The following CFAP77 variants were observed in gnomAD, a reference collection of about 807,000 sequenced individuals.
The protein encoded by CFAP77 is cilia and flagella associated protein 77.
CFAP77 carries 25 observed loss-of-function variants against 31.1 expected under a neutral mutation model. The ratio of observed to expected loss-of-function variants is 0.80; its 90% confidence interval spans 0.59 to 1.12. CFAP77 has a LOEUF of 1.12. Ranked by LOEUF, CFAP77 falls within the 50% of genes most tolerant of loss-of-function variation. CFAP77 has a pLI of 0.00. For synonymous variants in CFAP77, 151 were observed against 159.9 expected, an observed-to-expected ratio of 0.94 and a Z score of 0.42; for missense variants, 377 against 397.3, an observed-to-expected ratio of 0.95 and a Z score of 0.44.
intron 1 of CFAP77, among the ~76,000 whole-genome samples, chr9:132,438,558 T>A (rs1850556630): frequency 7.3e-6 from 1 of 137,914 alleles, no homozygotes; most frequent in Non-Finnish European, 1.6e-5. Flanking sequence ...TTTTTTTTTT[T>A]AGACAGGGTC....
chr9:132,546,988 G>A (rs770543728), intron 5 of CFAP77, among the ~76,000 whole-genome samples: 12 of 152,260 alleles, frequency 7.9e-5, no homozygotes, highest in Non-Finnish European at 1.3e-4. Flanking sequence ...CCCAAACCCA[G>A]GGTGAGCCAG....
chr9:132,421,102 G>C (rs762574362), intron 1 of CFAP77, among the ~76,000 whole-genome samples: 1 of 151,172 alleles, frequency 6.6e-6, no homozygotes, highest in Non-Finnish European at 1.5e-5. Context: ...CCATCTCCTG[G>C]GTTCAAGTGA....
chr9:132,522,427 GATAA>G (rs1476230026), intron 3 of CFAP77, among the ~76,000 whole-genome samples: 2 of 152,096 alleles, frequency 1.3e-5, no homozygotes, highest in African/African-American at 4.8e-5. Context: ...ATTTAGTGAG[GATAA>G]ATAATTAAGA....
chr9:132,486,024 A>ATGTATG (rs1396799905), intron 1 of CFAP77, among the ~76,000 whole-genome samples: 1 of 43,350 alleles, frequency 2.3e-5, no homozygotes, highest in Non-Finnish European at 3.6e-5. Context: ...ATATATATAT[A>ATGTATG]TATATATATA....
chr9:132,486,186 G>A (rs1481856082), intron 1 of CFAP77, among the ~76,000 whole-genome samples: 1 of 140,818 alleles, frequency 7.1e-6, no homozygotes. Flanking sequence ...TTGGCCTCCC[G>A]GGTTCGTGCC....
At chr9:132,434,580 A>C (rs1850470592) in intron 1 of CFAP77, among the ~76,000 whole-genome samples, 1 of 152,220 alleles carries the variant, frequency 6.6e-6, no homozygotes, top group Non-Finnish European at 1.5e-5. Context: ...TCCATGAAGG[A>C]AGGCACAGCT....
chr9:132,530,196 C>T (rs1852417928), intron 3 of CFAP77, among the ~76,000 whole-genome samples: 1 of 130,008 alleles, frequency 7.7e-6, no homozygotes, highest in Non-Finnish European at 1.5e-5. Context: ...AACTCTTGGG[C>T]TCAAGGAATC....
At chr9:132,427,760 A>T (rs1194494052) in intron 1 of CFAP77, among the ~76,000 whole-genome samples, 1 of 152,192 alleles carries the variant, frequency 6.6e-6, no homozygotes, top group African/African-American at 2.4e-5. Context: ...TGTTCCCATG[A>T]CATTCTGCCT....
chr9:132,416,724 G>A (rs923209940), intron 1 of CFAP77, among the ~76,000 whole-genome samples: 40 of 149,982 alleles, frequency 2.7e-4, no homozygotes, highest in Non-Finnish European at 4.4e-4. Context: ...AGCAGCCTTC[G>A]CCTCCTGGGT....
intron 3 of CFAP77, among the ~76,000 whole-genome samples, chr9:132,518,238 A>G (rs1278925379): frequency 1.3e-5 from 2 of 152,116 alleles, no homozygotes; most frequent in Non-Finnish European, 2.9e-5. Context: ...AGTCAGGACA[A>G]ATCGGACTCC....
intron 1 of CFAP77, among the ~76,000 whole-genome samples, chr9:132,488,814 T>C (rs150376078): frequency 0.015 from 2,340 of 152,200 alleles, 39 homozygotes; most frequent in Non-Finnish European, 0.021. Flanking sequence ...GAAGCTGATA[T>C]TGCAGGAGGA....
chr9:132,553,801 T>C (rs1852856753), intron 5 of CFAP77, among the ~76,000 whole-genome samples: 1 of 152,256 alleles, frequency 6.6e-6, no homozygotes, highest in South Asian at 2.1e-4. Flanking sequence ...ATGGAAGATT[T>C]GTCAAGCTGC....
Position 132,481,150 on chromosome 9 carries a change from A to G in CFAP77, c.196-17545A>G, listed in dbSNP as rs929449208. Among the ~76,000 whole-genome samples, 1 of 152,138 alleles carries G rather than the reference A, an allele frequency of 6.6e-6. No individual in the cohort carries two copies. Among genetic ancestry groups the G allele is most frequent in the Non-Finnish European group, 1.5e-5 (1 of 68,026 alleles). On this transcript the variant is annotated intron_variant, in intron 1 of 5. Coordinates refer to ENST00000393216, the MANE Select transcript of CFAP77 (RefSeq NM_001282957.2). This position sits in a 1 kb window ranked among gnomAD's most constrained non-coding sequence, Gnocchi z 5.0. ...CTCGTGTCTGCCGGCCATGGATACG[A>G]CAGAGCCTGGGGACTGTAAGACCCC...
At chr9:132,456,577 G>A (rs894701674) in intron 1 of CFAP77, among the ~76,000 whole-genome samples, 1 of 152,060 alleles carries the variant, frequency 6.6e-6, no homozygotes, top group Non-Finnish European at 1.5e-5. Flanking sequence ...GAGCGCCCGT[G>A]CAGAATCCCA....
At chr9:132,464,023 G>T (rs1053806980) in intron 1 of CFAP77, among the ~76,000 whole-genome samples, 2 of 152,216 alleles carry the variant, frequency 1.3e-5, no homozygotes, top group Admixed American at 6.5e-5. Context: ...CACGGAAAGA[G>T]GCTGCTTTCC....
intron 4 of CFAP77, among the ~76,000 whole-genome samples, chr9:132,542,494 T>C (rs1469055641): frequency 2.6e-5 from 4 of 152,096 alleles, no homozygotes; most frequent in African/African-American, 9.7e-5. Context: ...CCGAAGAAGC[T>C]CTCACTCCTC....
chr9:132,486,014 A>ATATATATATATGTATG (rs1554742542), intron 1 of CFAP77, among the ~76,000 whole-genome samples: 1 of 15,132 alleles, frequency 6.6e-5, no homozygotes, highest in Non-Finnish European at 1.0e-4. Context: ...ATATATATAT[A>ATATATATATATGTATG]TATATATATA....
In CFAP77 at chr9:132,443,154, A is replaced by C. The variant is rs1850644004; in HGVS notation, c.195+32688A>C. Among the ~76,000 whole-genome samples, 2 of 152,174 alleles carry C rather than the reference A, an allele frequency of 1.3e-5. 1 individual carries two copies. The highest frequency in any genetic ancestry group is 4.1e-4 in the South Asian group (2 of 4,826). On this transcript the variant is annotated intron_variant, in intron 1 of 5. Coordinates refer to ENST00000393216, the MANE Select transcript of CFAP77 (RefSeq NM_001282957.2). ...CAGTACGTCATTCCTTTTAATGGCT[A>C]AATAATACTCAATTGTATAGATATG...
chr9:132,546,739 C>T (rs575108525), intron 5 of CFAP77, among the ~76,000 whole-genome samples: 1 of 152,376 alleles, frequency 6.6e-6, no homozygotes, highest in African/African-American at 2.4e-5. Context: ...TGGTCTGTGC[C>T]ACCAGCAACT....
Sources: allele counts gnomAD v4.1 joint callset (sites outside exome capture counted in the v4.1 genomes callset), GRCh38; gene constraint gnomAD v4.1.1; non-coding constraint Gnocchi (gnomAD v3.1); transcripts MANE v1.5; gene names NCBI Gene and HGNC (gene_info 2026-07-23, HGNC 2026-07-21).